The following SSPN variants were observed in gnomAD, a reference collection of about 807,000 sequenced individuals.
SSPN encodes the protein K-ras oncogene-associated protein.
SSPN carries 15 observed loss-of-function variants against 19.1 expected under a neutral mutation model. The ratio of observed to expected loss-of-function variants is 0.78; its 90% CI spans 0.52 to 1.21. The LOEUF (loss-of-function observed/expected upper bound fraction) is 1.21. Among genes scored for constraint, SSPN ranks in the 50% most tolerant of loss-of-function variants. The pLI is 0.00. For missense variants in SSPN, 291 were observed against 314.0 expected (o/e 0.93, Z 0.55); for synonymous variants, 147 against 140.3 (o/e 1.05, Z -0.34).
In SSPN at chr12:26,123,687, T is replaced by G. The variant is rs1417219953; in HGVS notation, c.-31+1535T>G. ...TGCTCGGTTAAGGCGGTTAAAGCTT[T>G]TAAGTGTTTCAAAGTTAATTCCAAG... On this transcript the variant is annotated intron_variant, in intron 1 of 2. Transcript: ENST00000538142. The G allele has an allele frequency of 6.8e-6, 11 of 1,614,090 alleles. 1 individual carries two copies. The South Asian group carries it at 1.2e-4, about 18-fold the overall frequency.
intron 1 of SSPN, among the ~76,000 whole-genome samples, chr12:26,139,923 T>C (rs1435630586): frequency 6.6e-6 from 1 of 152,190 alleles, no homozygotes; most frequent in Non-Finnish European, 1.5e-5. Context: ...GCTATAAAAA[T>C]GAATAAGGCC....
chr12:26,136,676 CA>C (rs1944427055), intron 1 of SSPN, among the ~76,000 whole-genome samples: 1 of 152,142 alleles, frequency 6.6e-6, no homozygotes, highest in Admixed American at 6.5e-5. Context: ...TATTGCTTTC[CA>C]TTACTCTTTC....
At position 26,232,280 on chromosome 12, in the gene SSPN, G is replaced by C. The variant is rs962932400; in HGVS notation, c.*1204G>C. The stretch of plus-strand genomic sequence containing the variant: ...TTGAAGTTCTTATTTGAGCAATATG[G>C]CCTTGACTTGGAGGGTAGTTTTAGT... On this transcript the variant is annotated 3_prime_UTR_variant, in exon 3 of 3. Coordinates refer to ENST00000242729, the MANE Select transcript of SSPN (RefSeq NM_005086.5). 1 of 985,306 alleles carries C rather than the reference G, an allele frequency of 1.0e-6. No individual in the cohort carries two copies. Among genetic ancestry groups the C allele is most frequent in the Non-Finnish European group, 1.2e-6 (1 of 829,926 alleles). 61.0% of individuals were successfully genotyped at this position (985,306 alleles called of 1,614,324 possible).
chr12:26,184,278 T>C (rs1223020620), intron 1 of SSPN, among the ~76,000 whole-genome samples: 1 of 152,254 alleles, frequency 6.6e-6, no homozygotes, highest in Non-Finnish European at 1.5e-5. Flanking sequence ...TAAGTGTCTG[T>C]TTTCTGCAAT....
chr12:26,140,365 A>C lies in SSPN; in HGVS notation c.-31+18213A>C, dbSNP rs1028067984. Among the ~76,000 whole-genome samples, 49 of 152,216 alleles carry C rather than the reference A, an allele frequency of 3.2e-4. 1 individual carries two copies. Among genetic ancestry groups the C allele is most frequent in the African/African-American group, 1.1e-3 (45 of 41,524 alleles). On this transcript the variant is annotated intron_variant, in intron 1 of 2. Coordinates refer to the SSPN transcript ENST00000538142. The stretch of plus-strand genomic sequence containing the variant: ...TTTATTAATTTTCTACATTGAACCT[A>C]TCAGCAAGTTCTGTTTCTTCTATTC...
intron 1 of SSPN, among the ~76,000 whole-genome samples, chr12:26,139,697 A>C (rs1236081339): frequency 6.6e-6 from 1 of 152,262 alleles, no homozygotes; most frequent in Non-Finnish European, 1.5e-5. Flanking sequence ...GTAAGATAAT[A>C]GTAAAATGTG....
chr12:26,122,481 G>A (rs1168138395), intron 1 of SSPN: 2 of 1,331,362 alleles, frequency 1.5e-6, no homozygotes, highest in South Asian at 1.7e-5. Context: ...GCAGAAGGGG[G>A]CCGCGGCGGC....
At position 26,233,215 on chromosome 12, in the gene SSPN, T is replaced by A. The variant is rs1945253162; in HGVS notation, c.*2139T>A. The A allele has an allele frequency of 6.6e-6, 1 of 152,000 alleles. No homozygotes were observed. The highest frequency in any genetic ancestry group is 2.4e-5 in the African/African-American group (1 of 41,372). 9.4% of individuals were successfully genotyped at this position (152,000 alleles called of 1,614,324 possible). On this transcript the variant is annotated 3_prime_UTR_variant, in exon 3 of 3. Coordinates refer to ENST00000242729, the MANE Select transcript of SSPN (RefSeq NM_005086.5). This position sits in a 1 kb window ranked among gnomAD's most constrained non-coding sequence, Gnocchi z 4.3. ...AGGTGCTCTATGCTTTACCAGTAAT[T>A]CACAGGGTATTTCAAATGGTAGAAT...
chr12:26,190,592 T>G (rs10842690), upstream of SSPN, among the ~76,000 whole-genome samples: 4,276 of 152,200 alleles, frequency 0.028, 182 homozygotes, highest in African/African-American at 0.097. Context: ...TTCAAATCAC[T>G]GAATGTTGGG....
chr12:26,122,638 G>GGCC, intron 1 of SSPN: 5 of 1,304,252 alleles, frequency 3.8e-6, no homozygotes, highest in Non-Finnish European at 3.9e-6. Context: ...CCGCCCCCCG[G>GGCC]GCCGCCGCCG....
rs1417767823 is a variant in SSPN, at chr12:26,147,528, C to T, written c.-31+25376C>T. On this transcript the variant is annotated intron_variant, in intron 1 of 2. Coordinates refer to the SSPN transcript ENST00000538142. ...TCAGGTGTTCCACCCGTCTTGGCCTCCCAAAGTGCTGAGATTACCAGCGTG... is the reference window on the plus strand; with the variant it reads ...TCAGGTGTTCCACCCGTCTTGGCCTTCCAAAGTGCTGAGATTACCAGCGTG... Among the ~76,000 whole-genome samples, 4 of 152,232 alleles carry T rather than the reference C, an allele frequency of 2.6e-5. No homozygotes were observed. The East Asian group carries it at 7.7e-4, about 29-fold the overall frequency.
intron 1 of SSPN, among the ~76,000 whole-genome samples, chr12:26,214,564 T>C (rs1406807925): frequency 1.3e-5 from 2 of 152,222 alleles, no homozygotes; most frequent in Non-Finnish European, 2.9e-5. Flanking sequence ...TGAGTCAAGA[T>C]GCAAACTTTA....
rs117991378 is a variant in SSPN at position 26,135,919 on chromosome 12, C to T, written c.-31+13767C>T. On this transcript the variant is annotated intron_variant, in intron 1 of 2. Coordinates refer to the SSPN transcript ENST00000538142. ...TTTTTATTCTGTTTTAGAAATTCTG[C>T]TTCAGACATACCAAAGGTAATGAAA... Among the ~76,000 whole-genome samples the T allele has an allele frequency of 4.5e-4, 69 of 152,288 alleles. No homozygotes were observed. In the East Asian group the frequency reaches 0.012, roughly 26 times the overall value.
chr12:26,148,062 T>C (rs903311601), intron 1 of SSPN, among the ~76,000 whole-genome samples: 9 of 152,246 alleles, frequency 5.9e-5, no homozygotes, highest in African/African-American at 1.7e-4. Context: ...TTCTATAGTC[T>C]GGAATTCTGT....
intron 1 of SSPN, among the ~76,000 whole-genome samples, chr12:26,149,391 A>G (rs1329454686): frequency 6.6e-6 from 1 of 152,200 alleles, no homozygotes; most frequent in African/African-American, 2.4e-5. Flanking sequence ...ATTATCAAAG[A>G]AAGGTCAAAT....
chr12:26,233,984 A>G lies in SSPN; in HGVS notation c.*2908A>G, dbSNP rs961927382. 1 of 152,224 alleles carries G rather than the reference A, an allele frequency of 6.6e-6. No homozygotes were observed. The allele number at this position is 152,224 out of a possible 1,614,324, so 9.4% of individuals were successfully genotyped here. On this transcript the variant is annotated 3_prime_UTR_variant, in exon 3 of 3. Coordinates refer to ENST00000242729, the MANE Select transcript of SSPN (RefSeq NM_005086.5). The surrounding 1 kb of genome is among the most constrained non-coding windows in gnomAD (Gnocchi z 4.3). ...GCTATGCCTAAAATATAGCTACACCAGAGCCCTGGAAACTGTAGTCAAGTA... is the reference window on the plus strand; with the variant it reads ...GCTATGCCTAAAATATAGCTACACCGGAGCCCTGGAAACTGTAGTCAAGTA...
intron 1 of SSPN, among the ~76,000 whole-genome samples, chr12:26,161,098 ACT>A (rs1386438106): frequency 9.0e-6 from 1 of 110,596 alleles, no homozygotes; most frequent in African/African-American, 3.7e-5. Flanking sequence ...ACAGAGAAAG[ACT>A]CTGTCTCAAA....
At chr12:26,194,774 G>A (rs985916448), upstream of SSPN, among the ~76,000 whole-genome samples, 1 of 152,178 alleles carries the variant, frequency 6.6e-6, no homozygotes, top group Non-Finnish European at 1.5e-5. Context: ...ATCCCTTGAA[G>A]CCAGGAGTTC....
chr12:26,221,665 G>A (rs186202061), intron 1 of SSPN, among the ~76,000 whole-genome samples: 48 of 152,348 alleles, frequency 3.2e-4, no homozygotes, highest in African/African-American at 1.1e-3. Flanking sequence ...TAAGGTGCTA[G>A]TTAGGCCTTA....
Sources: gnomAD v4.1 joint callset for allele counts (sites outside exome capture counted in the v4.1 genomes callset) on GRCh38, gnomAD v4.1.1 for gene constraint, Gnocchi (gnomAD v3.1) non-coding constraint, MANE v1.5 for transcripts, NCBI Gene and HGNC (gene_info 2026-07-23, HGNC 2026-07-21) for gene names.